The following GSTCD variants were observed in gnomAD, a reference collection of about 807,000 sequenced individuals.
GSTCD encodes the protein glutathione S-transferase C-terminal domain-containing protein.
In GSTCD, 44 loss-of-function variants were observed where a neutral mutation model predicts 68.3. That is an observed-to-expected ratio of 0.64 (90% CI 0.51 to 0.83). The LOEUF (loss-of-function observed/expected upper bound fraction) is 0.83. Among genes scored for constraint, GSTCD ranks in the 40% least tolerant of loss-of-function variants. The probability of loss-of-function intolerance (pLI) is 0.00; values close to 1 mark genes in which losing one functional copy is unlikely to be tolerated. For missense variants in GSTCD, 739 were observed against 735.9 expected (o/e 1.00, Z -0.05); for synonymous variants, 273 against 255.2 (o/e 1.07, Z -0.67).
chr4:105,760,571 G>T (rs1734367657), intron 5 of GSTCD, among the ~76,000 whole-genome samples: 1 of 152,122 alleles, frequency 6.6e-6, no homozygotes, highest in African/African-American at 2.4e-5. Context: ...GAAAGGAGGG[G>T]GATTGATCCT....
chr4:105,816,477 C>T (rs1223306458), intron 5 of GSTCD, among the ~76,000 whole-genome samples: 3 of 152,058 alleles, frequency 2.0e-5, no homozygotes, highest in Non-Finnish European at 4.4e-5. Context: ...CCTCTAATGC[C>T]TTAGCAATAT....
At chr4:105,773,939 A>G (rs564452000) in intron 5 of GSTCD, among the ~76,000 whole-genome samples, 20 of 152,248 alleles carry the variant, frequency 1.3e-4, no homozygotes, top group African/African-American at 4.6e-4. Flanking sequence ...TGGTCTGGCT[A>G]ATATTGACAG....
At chr4:105,825,926 TTATC>T (rs1723582352) in intron 8 of GSTCD, 126 bp downstream of exon 8, 2 of 503,270 alleles carry the variant, frequency 4.0e-6, no homozygotes, top group African/African-American at 2.0e-5. Context: ...TATACTTATA[TTATC>T]TATGAAATAT....
At chr4:105,802,239 A>G (rs1736133323) in intron 5 of GSTCD, among the ~76,000 whole-genome samples, 1 of 152,084 alleles carries the variant, frequency 6.6e-6, no homozygotes, top group Admixed American at 6.6e-5. Context: ...TACTGCCTTC[A>G]TATGTAAATG....
intron 1 of GSTCD, chr4:105,712,724 G>A (rs139959835): frequency 6.6e-6 from 1 of 152,224 alleles, no homozygotes; most frequent in Non-Finnish European, 1.5e-5. Flanking sequence ...TACTTCAAAG[G>A]TAGAGATGGC....
chr4:105,814,599 C>T (rs1470422269), intron 5 of GSTCD, among the ~76,000 whole-genome samples: 1 of 151,852 alleles, frequency 6.6e-6, no homozygotes, highest in Non-Finnish European at 1.5e-5. Flanking sequence ...TTGACAGAGA[C>T]TCTGTCTCAA....
At chr4:105,721,501 A>G (rs920985862) in intron 3 of GSTCD, among the ~76,000 whole-genome samples, 1 of 152,204 alleles carries the variant, frequency 6.6e-6, no homozygotes, top group Admixed American at 6.5e-5. Flanking sequence ...AAAGTCAAGG[A>G]CATAAAAGTA....
At chr4:105,733,442 A>G (rs979308196) in intron 5 of GSTCD, among the ~76,000 whole-genome samples, 1 of 152,184 alleles carries the variant, frequency 6.6e-6, no homozygotes, top group African/African-American at 2.4e-5. Flanking sequence ...CCATTATGTA[A>G]TGGCCTTCTT....
intron 5 of GSTCD, among the ~76,000 whole-genome samples, chr4:105,742,988 T>C (rs940765699): frequency 1.8e-4 from 27 of 151,644 alleles, no homozygotes; most frequent in Admixed American, 9.2e-4. Flanking sequence ...CTTGCTCTGT[T>C]GCCCAGGCTA....
chr4:105,802,968 C>T (rs1487406151), intron 5 of GSTCD, among the ~76,000 whole-genome samples: 1 of 152,088 alleles, frequency 6.6e-6, no homozygotes, highest in East Asian at 1.9e-4. Flanking sequence ...GAAGGATAAG[C>T]AACTTACATT....
chr4:105,829,235 C>T (rs1486834138), intron 8 of GSTCD, among the ~76,000 whole-genome samples: 1 of 149,052 alleles, frequency 6.7e-6, no homozygotes, highest in Non-Finnish European at 1.5e-5. Flanking sequence ...GCTTTTTGAT[C>T]ACCCAATCAC....
rs539518721 is a variant in GSTCD at position 105,734,027 on chromosome 4, T to C, written c.1240+4528T>C. ...TTGAATATTGGCCCCCACTCTCTTC[T>C]GGCTTGTAGGATTTCTGCTGAGAGA... On this transcript the variant is annotated intron_variant, in intron 5 of 11. Transcript: ENST00000515279. 7.2e-5 allele frequency among the ~76,000 whole-genome samples: 11 copies of C among 152,370 alleles called. No individual in the cohort carries two copies. In the South Asian group the frequency reaches 1.9e-3, roughly 26 times the overall value.
rs1467496639 is a variant in GSTCD, at chr4:105,719,174, A to C, written c.541A>C (p.Lys181Gln). 6 of 1,614,002 alleles carry C rather than the reference A, an allele frequency of 3.7e-6. No homozygotes were observed. The highest frequency in any genetic ancestry group is 4.2e-6 in the Non-Finnish European group (5 of 1,180,000). Residue 181 changes from lysine (K) to glutamine (Q), a missense_variant, in exon 3 of 12, where the codon AAA becomes CAA. Transcript: ENST00000515279. Reference sequence around the variant, plus strand: ...ACCTGTAGAAATACTACAGCTAGAGAAAAAGCTTAGTGAGCCTGTTAGAGT... The same window carrying C: ...ACCTGTAGAAATACTACAGCTAGAGCAAAAGCTTAGTGAGCCTGTTAGAGT... ...TIPVEILQLE[K>Q]KLSEPVRVHN...
chr4:105,752,675 T>C (rs1355123010), intron 5 of GSTCD, among the ~76,000 whole-genome samples: 2 of 152,102 alleles, frequency 1.3e-5, no homozygotes, highest in Non-Finnish European at 2.9e-5. Flanking sequence ...AAGTTGTTTG[T>C]CATAGCACTA....
intron 5 of GSTCD, among the ~76,000 whole-genome samples, chr4:105,779,434 C>A (rs1735195501): frequency 6.6e-6 from 1 of 152,074 alleles, no homozygotes; most frequent in African/African-American, 2.4e-5. Context: ...TGGAAAGAAA[C>A]ACTTTTATAA....
At position 105,802,092 on chromosome 4, in the gene GSTCD, A is replaced by C. The variant is rs561474785; in HGVS notation, c.1241-20862A>C. Among the ~76,000 whole-genome samples, 3 of 152,288 alleles carry C rather than the reference A, an allele frequency of 2.0e-5. No homozygotes were observed. In the South Asian group the frequency reaches 6.2e-4, roughly 32 times the overall value. On this transcript the variant is annotated intron_variant, in intron 5 of 11. Transcript: ENST00000515279. ...TTTATTCTTATTGTAAAATGAGGAT[A>C]ATGTTTATGAGGATGAAATGGGATA...
At chr4:105,715,970 A>C (rs1732668547) in intron 1 of GSTCD, among the ~76,000 whole-genome samples, 2 of 152,182 alleles carry the variant, frequency 1.3e-5, no homozygotes, top group African/African-American at 4.8e-5. Flanking sequence ...AGGACAATTG[A>C]TAAAAACCTT....
intron 3 of GSTCD, among the ~76,000 whole-genome samples, chr4:105,720,017 T>A (rs1560793231): frequency 6.6e-6 from 1 of 152,194 alleles, no homozygotes; most frequent in Non-Finnish European, 1.5e-5. Context: ...AATCTTATGT[T>A]AGGTATTATC....
chr4:105,737,211 A>T (rs1333817081), intron 5 of GSTCD, among the ~76,000 whole-genome samples: 1 of 152,180 alleles, frequency 6.6e-6, no homozygotes, highest in Non-Finnish European at 1.5e-5. Context: ...TACCAACAGT[A>T]TATAAGTTTC....
Sources: gnomAD v4.1 joint callset for allele counts (sites outside exome capture counted in the v4.1 genomes callset) on GRCh38, gnomAD v4.1.1 for gene constraint, MANE v1.5 for transcripts, NCBI Gene and HGNC (gene_info 2026-07-23, HGNC 2026-07-21) for gene names.